Variants in HDAC4 observed in about 807,000 individuals in gnomAD.
HDAC4 encodes histone deacetylase 4.
A neutral mutation model predicts 135.1 loss-of-function variants in HDAC4; 16 were observed. That is an observed-to-expected ratio of 0.12 (90% CI 0.08 to 0.18). The LOEUF is 0.18. Ranked by LOEUF, HDAC4 falls within the 10% of genes least tolerant of loss-of-function variation. The pLI, the probability that HDAC4 is intolerant of heterozygous loss-of-function variation, is 1.00. For missense variants in HDAC4, 1,143 were observed against 1,511.8 expected, an observed-to-expected ratio of 0.76 and a Z score of 4.05; for synonymous variants, 685 against 653.4, an observed-to-expected ratio of 1.05 and a Z score of -0.74.
At chr2:239,102,163 C>T (rs1429961767) in intron 16 of HDAC4, among the ~76,000 whole-genome samples, 5 of 152,102 alleles carry the variant, frequency 3.3e-5, no homozygotes, top group African/African-American at 4.8e-5. Flanking sequence ...TGGAAGCCCC[C>T]GGCCCCACGT....
chr2:239,382,464 A>C (rs1695487792), intron 1 of HDAC4, among the ~76,000 whole-genome samples: 1 of 152,252 alleles, frequency 6.6e-6, no homozygotes, highest in South Asian at 2.1e-4. Context: ...ACTCTCAGGC[A>C]ATACAAGATA....
intron 4 of HDAC4, among the ~76,000 whole-genome samples, chr2:239,187,942 G>T (rs2044662904): frequency 6.6e-6 from 1 of 152,176 alleles, no homozygotes; most frequent in African/African-American, 2.4e-5. Context: ...CCTCTCCTTG[G>T]TTTGTCAAAC....
intron 4 of HDAC4, among the ~76,000 whole-genome samples, chr2:239,181,195 G>C (rs1386654798): frequency 6.6e-6 from 1 of 152,252 alleles, no homozygotes; most frequent in Admixed American, 6.5e-5. Context: ...GCCCTCACAA[G>C]GGGGGTGGGA....
intron 5 of HDAC4, among the ~76,000 whole-genome samples, chr2:239,165,362 T>C (rs959788537): frequency 2.0e-5 from 3 of 152,204 alleles, no homozygotes; most frequent in Non-Finnish European, 4.4e-5. Flanking sequence ...CAGGCATCAC[T>C]GTGAGGCACC....
intron 6 of HDAC4, among the ~76,000 whole-genome samples, chr2:239,158,965 CACA>C (rs1006745115): frequency 9.9e-5 from 15 of 152,080 alleles, no homozygotes; most frequent in African/African-American, 3.1e-4. Flanking sequence ...CCGCACATCA[CACA>C]ACTATTCACA....
intron 1 of HDAC4, among the ~76,000 whole-genome samples, chr2:239,370,014 A>G (rs1459791214): frequency 1.3e-5 from 2 of 152,228 alleles, no homozygotes; most frequent in Non-Finnish European, 2.9e-5. Context: ...AGATGATTGC[A>G]GCGTGGCTGG....
At position 239,104,972 on chromosome 2, in the gene HDAC4, C is replaced by T. The variant is rs931647490; in HGVS notation, c.2113-2076G>A. Among the ~76,000 whole-genome samples the T allele has an allele frequency of 7.2e-5, 11 of 152,190 alleles. No individual in the cohort carries two copies. The South Asian group carries it at 1.5e-3, about 20-fold the overall frequency. On this transcript the variant is annotated intron_variant, in intron 15 of 26. Coordinates refer to ENST00000543185, the MANE Select transcript of HDAC4 (RefSeq NM_001378414.1). ...ACCGCGACGGCTGGGGCTGCAGGTG[C>T]GCGACACCGCAAGGGCTCGGGCTGT...
intron 24 of HDAC4, among the ~76,000 whole-genome samples, chr2:239,066,076 A>G (rs1236195329): frequency 6.6e-6 from 1 of 152,080 alleles, no homozygotes; most frequent in Non-Finnish European, 1.5e-5. Flanking sequence ...CCCTGCTGGG[A>G]GCAGGGAGGC....
chr2:239,086,541 C>T (rs2035978512), intron 19 of HDAC4, among the ~76,000 whole-genome samples: 1 of 151,648 alleles, frequency 6.6e-6, no homozygotes, highest in South Asian at 2.1e-4. Context: ...CTCTCACGTA[C>T]AGTCTCCTCC....
intron 23 of HDAC4, among the ~76,000 whole-genome samples, chr2:239,067,472 C>T (rs759838719): frequency 4.6e-5 from 7 of 152,318 alleles, no homozygotes; most frequent in East Asian, 1.9e-4. Flanking sequence ...CTGGCGAGGC[C>T]GTAACTTCCC....
At chr2:239,184,086 A>G (rs1559193194) in intron 4 of HDAC4, among the ~76,000 whole-genome samples, 1 of 151,474 alleles carries the variant, frequency 6.6e-6, no homozygotes, top group Non-Finnish European at 1.5e-5. Context: ...AAAAAAAAAA[A>G]AAAAAAAAAA....
At chr2:239,104,181 G>A (rs1429997699) in intron 15 of HDAC4, among the ~76,000 whole-genome samples, 1 of 152,188 alleles carries the variant, frequency 6.6e-6, no homozygotes, top group Non-Finnish European at 1.5e-5. Flanking sequence ...TCTGGGTAGG[G>A]GTCAGGGTGC....
chr2:239,269,304 T>C (rs1027118703), intron 2 of HDAC4, among the ~76,000 whole-genome samples: 12 of 148,762 alleles, frequency 8.1e-5, no homozygotes, highest in Admixed American at 6.0e-4. Flanking sequence ...CCCACACACA[T>C]TCACACACCC....
intron 3 of HDAC4, among the ~76,000 whole-genome samples, chr2:239,235,580 C>T (rs1157488439): frequency 1.3e-5 from 2 of 152,220 alleles, no homozygotes; most frequent in African/African-American, 4.8e-5. Flanking sequence ...CCCACGCCAT[C>T]AGGAGGTTCA....
Position 239,111,506 on chromosome 2 carries a change from G to A in HDAC4, c.1978+20C>T. The stretch of plus-strand genomic sequence containing the variant: ...GTGGCCCGCGTTGCACCCTCAGGCT[G>A]CACAAAGGCCACGTGTTACCTGTCG... On this transcript the variant is annotated intron_variant, in intron 14 of 26. Transcript: ENST00000543185. 1 of 1,606,852 alleles carries A rather than the reference G, an allele frequency of 6.2e-7. No homozygotes were observed. Among genetic ancestry groups the A allele is most frequent in the South Asian group, 1.1e-5 (1 of 89,868 alleles).
chr2:239,316,370 T>C (rs2053115769), intron 2 of HDAC4, among the ~76,000 whole-genome samples: 4 of 151,980 alleles, frequency 2.6e-5, no homozygotes, highest in African/African-American at 9.7e-5. Flanking sequence ...GGGGCCAAGG[T>C]GGGAAGATCA....
intron 3 of HDAC4, among the ~76,000 whole-genome samples, chr2:239,199,745 T>C (rs2045638360): frequency 6.6e-6 from 1 of 151,772 alleles, no homozygotes; most frequent in Non-Finnish European, 1.5e-5. Context: ...TCTTTTTTTT[T>C]TTTTTTGAGA....
At chr2:239,107,352 G>A (rs773833132) in intron 15 of HDAC4, among the ~76,000 whole-genome samples, 2 of 152,248 alleles carry the variant, frequency 1.3e-5, no homozygotes, top group Non-Finnish European at 2.9e-5. Context: ...CTCCTTGTAT[G>A]AGAACAAGTG....
intron 2 of HDAC4, among the ~76,000 whole-genome samples, chr2:239,327,336 C>T (rs2053501011): frequency 6.6e-6 from 1 of 152,200 alleles, no homozygotes; most frequent in South Asian, 2.1e-4. Flanking sequence ...TCCCCTTCCC[C>T]AGGGGTTGGG....
Sources: allele counts gnomAD v4.1 joint callset (sites outside exome capture counted in the v4.1 genomes callset), GRCh38; gene constraint gnomAD v4.1.1; transcripts MANE v1.5; gene names NCBI Gene and HGNC (gene_info 2026-07-23, HGNC 2026-07-21).